Variants in XPO4 observed in about 807,000 individuals in gnomAD.
The protein encoded by XPO4 is exportin-4.
In XPO4, 39 loss-of-function variants were observed where a neutral mutation model predicts 143.0. The ratio of observed to expected loss-of-function variants is 0.27; its 90% CI spans 0.21 to 0.36. The LOEUF (loss-of-function observed/expected upper bound fraction) is 0.36. XPO4 is among the 10% of genes least tolerant of loss of function. The pLI is 1.00. For synonymous variants in XPO4, 439 were observed against 474.0 expected, an observed-to-expected ratio of 0.93 and a Z score of 0.96; for missense variants, 907 against 1,348.0, an observed-to-expected ratio of 0.67 and a Z score of 5.12.
In XPO4 at chr13:20,843,857, C is replaced by T. The variant is rs1055101727; in HGVS notation, c.486G>A (p.Ala162=). Reference sequence around the variant, plus strand: ...TTGAACTTGAAAATTCACTCAATAGCGCAGTCAGAATAGAACAGGCCAGAG... The same window carrying T: ...TTGAACTTGAAAATTCACTCAATAGTGCAGTCAGAATAGAACAGGCCAGAG... The part of the protein sequence containing the change: ...VQTLACSILT[A]LLSEFSSSSK... Residue 162 remains alanine, a synonymous_variant, in exon 5 of 23, where the codon GCG becomes GCA. Coordinates refer to ENST00000255305, the MANE Select transcript of XPO4 (RefSeq NM_022459.5). The T allele has an allele frequency of 6.8e-6, 11 of 1,613,112 alleles. No individual in the cohort carries two copies. Among genetic ancestry groups the T allele is most frequent in the South Asian group, 2.2e-5 (2 of 91,066 alleles).
In XPO4 at chr13:20,802,259, T is replaced by C. The variant is rs548656493; in HGVS notation, c.1818-1269A>G. On this transcript the variant is annotated intron_variant, in intron 13 of 22. Coordinates refer to ENST00000255305, the MANE Select transcript of XPO4 (RefSeq NM_022459.5). Reference sequence around the variant, plus strand: ...TTTTTGTAAAGACAGGGTTTCGTCATGTCACCCAGGCTGGTCTTGAACTCC... The same window carrying C: ...TTTTTGTAAAGACAGGGTTTCGTCACGTCACCCAGGCTGGTCTTGAACTCC... Among the ~76,000 whole-genome samples, 209 of 152,246 alleles carry C rather than the reference T, an allele frequency of 1.4e-3. 2 individuals are homozygous for C. Among genetic ancestry groups the C allele is most frequent in the Non-Finnish European group, 1.8e-3 (122 of 68,018 alleles).
At chr13:20,815,814 A>C (rs1566579631) in intron 9 of XPO4, among the ~76,000 whole-genome samples, 2 of 152,206 alleles carry the variant, frequency 1.3e-5, no homozygotes, top group South Asian at 2.1e-4. Flanking sequence ...TTTGGAAGTG[A>C]AAACAGCTTC....
Position 20,781,322 on chromosome 13 carries a change from C to T in XPO4, c.*2400G>A, listed in dbSNP as rs773071453. 1.3e-5 allele frequency: 2 copies of T among 152,560 alleles called. No individual in the cohort carries two copies. Among genetic ancestry groups the T allele is most frequent in the Non-Finnish European group, 2.9e-5 (2 of 68,034 alleles). 9.5% of individuals were successfully genotyped at this position (152,560 alleles called of 1,614,324 possible). A position where few individuals can be genotyped will look rare whatever the true frequency, so the allele number is the denominator to read the frequency against. On this transcript the variant is annotated 3_prime_UTR_variant, in exon 23 of 23. Coordinates refer to ENST00000255305, the MANE Select transcript of XPO4 (RefSeq NM_022459.5). ...AAGAAAACACAAAGTGAATAAGCATCCAATCAGGCAAACATGGACACAACC... is the reference window on the plus strand; with the variant it reads ...AAGAAAACACAAAGTGAATAAGCATTCAATCAGGCAAACATGGACACAACC...
At chr13:20,846,540 T>C (rs2060030621) in intron 4 of XPO4, among the ~76,000 whole-genome samples, 1 of 152,188 alleles carries the variant, frequency 6.6e-6, no homozygotes. Flanking sequence ...TAAAAACAAG[T>C]ACATTCTTAA....
At chr13:20,899,462 T>C (rs1459933089) in intron 1 of XPO4, among the ~76,000 whole-genome samples, 1 of 152,184 alleles carries the variant, frequency 6.6e-6, no homozygotes, top group African/African-American at 2.4e-5. Context: ...CTTCTACCTC[T>C]TTGAACCTCA....
chr13:20,895,594 T>A (rs1014043728), intron 1 of XPO4, among the ~76,000 whole-genome samples: 5 of 151,538 alleles, frequency 3.3e-5, no homozygotes, highest in African/African-American at 1.2e-4. Context: ...ATCGCACCAT[T>A]GCACTCCAGC....
chr13:20,855,009 T>C (rs1473793823), intron 4 of XPO4, among the ~76,000 whole-genome samples: 1 of 152,164 alleles, frequency 6.6e-6, no homozygotes, highest in East Asian at 1.9e-4. Context: ...CAAAACAAAG[T>C]TCAATAGAAA....
At chr13:20,889,397 G>C (rs531295540) in intron 1 of XPO4, among the ~76,000 whole-genome samples, 69 of 152,288 alleles carry the variant, frequency 4.5e-4, no homozygotes, top group South Asian at 2.3e-3. Context: ...TGTTATATCA[G>C]TGGTTCTTAA....
At chr13:20,853,168 A>T in intron 4 of XPO4, 1 of 422,124 alleles carries the variant, frequency 2.4e-6, no homozygotes, top group Non-Finnish European at 3.2e-6. Context: ...TCATCGCTAC[A>T]AAAAAACTTT....
At position 20,787,008 on chromosome 13, in the gene XPO4, G is replaced by A; in HGVS notation, c.3215C>T (p.Thr1072Ile). The A allele has an allele frequency of 1.9e-6, 3 of 1,567,674 alleles. No homozygotes were observed. Among genetic ancestry groups the A allele is most frequent in the Non-Finnish European group, 2.6e-6 (3 of 1,153,238 alleles). ...CGTGTAGAAAGCTTCGCCAGCCGCA[G>A]TGGTCATCTCTGTGTTGTGCTTTTG... is the stretch of plus-strand genomic sequence containing the variant. The part of the protein sequence containing the change: ...VLQKHNTEMT[T>I]AAGEAFYTLV... The change falls in exon 22 of 23, where the codon ACT (threonine) becomes ATT (isoleucine). Residue 1072 changes from threonine (T) to isoleucine (I), a missense_variant. Thr to Ile is a moderately conservative substitution (Grantham distance 89). Coordinates refer to ENST00000255305, the MANE Select transcript of XPO4 (RefSeq NM_022459.5).
chr13:20,859,739 T>C, intron 3 of XPO4: 1 of 476,296 alleles, frequency 2.1e-6, no homozygotes, highest in African/African-American at 2.2e-5. Flanking sequence ...ATCACGCCAC[T>C]GCACTCCAGC....
chr13:20,789,564 TTTTG>T (rs2059251051), intron 19 of XPO4, among the ~76,000 whole-genome samples: 1 of 150,604 alleles, frequency 6.6e-6, no homozygotes. Flanking sequence ...CCGGCTTTTT[TTTTG>T]TGTGTGTGTG....
At chr13:20,816,428 G>A (rs1042915191) in intron 9 of XPO4, among the ~76,000 whole-genome samples, 2 of 152,150 alleles carry the variant, frequency 1.3e-5, no homozygotes, top group Non-Finnish European at 2.9e-5. Flanking sequence ...ATAAATCCAC[G>A]TCTAGTTATT....
chr13:20,815,983 C>T (rs2059645225), intron 9 of XPO4, among the ~76,000 whole-genome samples: 1 of 152,150 alleles, frequency 6.6e-6, no homozygotes, highest in Admixed American at 6.5e-5. Context: ...GGTTAAAAAA[C>T]AACAGAAAAA....
chr13:20,795,781 C>G (rs2059350431), intron 18 of XPO4, among the ~76,000 whole-genome samples: 1 of 152,186 alleles, frequency 6.6e-6, no homozygotes, highest in South Asian at 2.1e-4. Flanking sequence ...GTTTCCTCAT[C>G]TATAAAGTGA....
At chr13:20,863,327 C>T (rs1595142034) in intron 2 of XPO4, among the ~76,000 whole-genome samples, 1 of 152,176 alleles carries the variant, frequency 6.6e-6, no homozygotes, top group East Asian at 1.9e-4. Context: ...CAGGATGACC[C>T]ATCTCCAATA....
chr13:20,840,427 C>T (rs943328063), intron 6 of XPO4, among the ~76,000 whole-genome samples: 2 of 151,896 alleles, frequency 1.3e-5, no homozygotes, highest in Non-Finnish European at 2.9e-5. Context: ...ATGCTGGTCT[C>T]GAACTCCTAG....
intron 1 of XPO4, among the ~76,000 whole-genome samples, chr13:20,880,387 G>A (rs560551917): frequency 3.3e-5 from 5 of 151,858 alleles, no homozygotes; most frequent in African/African-American, 7.2e-5. Flanking sequence ...AGCCTAGATC[G>A]CGCCATTGCA....
At chr13:20,857,720 C>G (rs2060158567) in intron 3 of XPO4, 1 of 555,944 alleles carries the variant, frequency 1.8e-6, no homozygotes, top group South Asian at 7.9e-5. Flanking sequence ...GAGCGAGACT[C>G]CATCTCAAAA....
Sources: allele counts gnomAD v4.1 joint callset (sites outside exome capture counted in the v4.1 genomes callset), GRCh38; gene constraint gnomAD v4.1.1; transcripts MANE v1.5; gene names NCBI Gene and HGNC (gene_info 2026-07-23, HGNC 2026-07-21).